Variants in SPTAN1 observed in about 807,000 individuals in gnomAD.
The protein encoded by SPTAN1 is spectrin alpha, non-erythrocytic 1.
A neutral mutation model predicts 331.3 loss-of-function variants in SPTAN1; 61 were observed. The ratio of observed to expected loss-of-function variants is 0.18; its 90% CI spans 0.15 to 0.23. The LOEUF is 0.23. SPTAN1 is among the 10% of genes least tolerant of loss of function. The pLI is 1.00. For synonymous variants in SPTAN1, 1,153 were observed against 1,173.9 expected, an observed-to-expected ratio of 0.98 and a Z score of 0.36; for missense variants, 2,043 against 3,147.9, an observed-to-expected ratio of 0.65 and a Z score of 8.40.
rs988247379 is a variant in SPTAN1 at position 128,583,973 on chromosome 9, G to A, written c.2193+4G>A. ...GGCAGATGTGGCTGCTCACCAGGTAGTGTGAACTGGGGGCTGTGGTTGGGC... is the reference window on the plus strand; with the variant it reads ...GGCAGATGTGGCTGCTCACCAGGTAATGTGAACTGGGGGCTGTGGTTGGGC... On this transcript the variant is annotated splice_donor_region_variant and intron_variant, in intron 16 of 56. Transcript: ENST00000372739. 2 of 1,614,094 alleles carry A rather than the reference G, an allele frequency of 1.2e-6. No individual in the cohort carries two copies. Among genetic ancestry groups the A allele is most frequent in the Non-Finnish European group, 8.5e-7 (1 of 1,179,960 alleles).
At chr9:128,595,712 T>C (rs951147090) in intron 24 of SPTAN1, among the ~76,000 whole-genome samples, 1 of 152,194 alleles carries the variant, frequency 6.6e-6, no homozygotes, top group African/African-American at 2.4e-5. Context: ...TTTGCCATTC[T>C]CCCTAACCCC....
chr9:128,608,865 T>G lies in SPTAN1; in HGVS notation c.4492-9T>G, dbSNP rs1294602145. On this transcript the variant is annotated splice_polypyrimidine_tract_variant and intron_variant, in intron 34 of 56. Coordinates refer to ENST00000372739, the MANE Select transcript of SPTAN1 (RefSeq NM_001130438.3). ...CCCACCTTGATCTCATGCCTTTGTT[T>G]TCTGACAGGAAGAGAAGATTGCTGC... is the stretch of plus-strand genomic sequence containing the variant. 2 of 1,613,484 alleles carry G rather than the reference T, an allele frequency of 1.2e-6. No individual in the cohort carries two copies. The highest frequency in any genetic ancestry group is 1.7e-6 in the Non-Finnish European group (2 of 1,179,876).
At position 128,577,624 on chromosome 9, in the gene SPTAN1, T is replaced by C; in HGVS notation, c.1085+118T>C. 1.5e-6 allele frequency: 2 copies of C among 1,337,352 alleles called. No homozygotes were observed. The highest frequency in any genetic ancestry group is 2.4e-5 in the South Asian group (2 of 84,064). The allele number at this position is 1,337,352 out of a possible 1,614,324, so 82.8% of individuals were successfully genotyped here. ...GAAAGTGTCAGGTATCACCTACAAATGCAAATCACTTCTTACCTATGTTCT... is the reference window on the plus strand; with the variant it reads ...GAAAGTGTCAGGTATCACCTACAAACGCAAATCACTTCTTACCTATGTTCT... On this transcript the variant is annotated intron_variant, in intron 8 of 56. Coordinates refer to ENST00000372739, the MANE Select transcript of SPTAN1 (RefSeq NM_001130438.3). The surrounding 1 kb of genome is among the most constrained non-coding windows in gnomAD (Gnocchi z 4.2).
chr9:128,630,174 A>G lies in SPTAN1; in HGVS notation c.6708-147A>G, dbSNP rs1217417696. 3 of 846,330 alleles carry G rather than the reference A, an allele frequency of 3.5e-6. No homozygotes were observed. The East Asian group carries it at 7.3e-5, about 21-fold the overall frequency. The allele number at this position is 846,330 out of a possible 1,614,324, so 52.4% of individuals were successfully genotyped here. A position where few individuals can be genotyped will look rare whatever the true frequency, so the allele number is the denominator to read the frequency against. On this transcript the variant is annotated intron_variant, in intron 51 of 56. Transcript: ENST00000372739. ...CATCCCTCGATCCCTGGGGCCCATTAGGTAAAGATGGCCAGTTGCAGTTAG... is the reference window on the plus strand; with the variant it reads ...CATCCCTCGATCCCTGGGGCCCATTGGGTAAAGATGGCCAGTTGCAGTTAG...
rs1453073689 is a variant in SPTAN1, at chr9:128,603,547, C to T, written c.3584C>T (p.Ala1195Val). Residue 1195 changes from alanine (A) to valine (V), a missense_variant, in exon 28 of 57, where the codon GCT becomes GTT. By Grantham distance (64) the Ala-to-Val change is moderately conservative. Coordinates refer to ENST00000372739, the MANE Select transcript of SPTAN1 (RefSeq NM_001130438.3). ...DSKTASPWKS[A>V]RLMVHTVATF... ...TCTGCTTTCCTCCCTACCTAGTCTG[C>T]TCGTCTGATGGTTCACACCGTGGCC... 1.2e-6 allele frequency: 2 copies of T among 1,614,188 alleles called. No homozygotes were observed. The highest frequency in any genetic ancestry group is 1.7e-6 in the Non-Finnish European group (2 of 1,180,028).
At chr9:128,591,820 T>C (rs1853573608) in intron 22 of SPTAN1, among the ~76,000 whole-genome samples, 195 bp downstream of exon 22, 1 of 152,018 alleles carries the variant, frequency 6.6e-6, no homozygotes, top group Non-Finnish European at 1.5e-5. Context: ...TATTGCTTTG[T>C]TTTTTTTCCA....
chr9:128,626,005 G>GC, intron 48 of SPTAN1, 27 bp downstream of exon 48: 1 of 1,612,236 alleles, frequency 6.2e-7, no homozygotes, highest in Non-Finnish European at 8.5e-7. Context: ...GTGAAGCTTA[G>GC]CTGGCCCACA....
intron 37 of SPTAN1, among the ~76,000 whole-genome samples, 162 bp downstream of exon 37, chr9:128,609,827 G>A (rs371105225): frequency 6.6e-6 from 1 of 152,168 alleles, no homozygotes; most frequent in African/African-American, 2.4e-5. Context: ...AAGTGTCCCT[G>A]TGGGATGTGG....
Position 128,582,888 on chromosome 9 carries a change from G to GC in SPTAN1, c.1806+39_1806+40insC, listed in dbSNP as rs757712954. 4 of 1,609,360 alleles carry GC rather than the reference G, an allele frequency of 2.5e-6. No homozygotes were observed. The South Asian group carries it at 4.4e-5, about 18-fold the overall frequency. On this transcript the variant is annotated intron_variant, in intron 14 of 56. Transcript: ENST00000372739. ...AGTGTTGCCATGTAGCACTCGATTA[G>GC]TAAGCTAAACACAGCTCTCACAAAT...
At chr9:128,621,056 A>G (rs1461084343) in intron 44 of SPTAN1, 102 bp from the exon 45 acceptor site, 10 of 892,428 alleles carry the variant, frequency 1.1e-5, no homozygotes, top group African/African-American at 1.6e-5. Flanking sequence ...TAATGTGTGC[A>G]TGGACAGGGA....
At position 128,629,085 on chromosome 9, in the gene SPTAN1, T is replaced by A. The variant is rs1037875585; in HGVS notation, c.6707+1143T>A. ...TGTTGCAGTGTGCTCTTGCCTCCCC[T>A]CCCTTTGGTGTATTCATTTGGTTTC... On this transcript the variant is annotated intron_variant, in intron 51 of 56. Transcript: ENST00000372739. This position sits in a 1 kb window ranked among gnomAD's most constrained non-coding sequence, Gnocchi z 4.9. 2.8e-5 allele frequency: 11 copies of A among 398,654 alleles called. No homozygotes were observed. Among genetic ancestry groups the A allele is most frequent in the African/African-American group, 2.1e-4 (10 of 48,634 alleles). 24.7% of individuals were successfully genotyped at this position (398,654 alleles called of 1,614,324 possible). A position where few individuals can be genotyped will look rare whatever the true frequency, so the allele number is the denominator to read the frequency against.
intron 1 of SPTAN1, among the ~76,000 whole-genome samples, chr9:128,558,445 T>G (rs1848909121): frequency 6.6e-6 from 1 of 152,242 alleles, no homozygotes; most frequent in South Asian, 2.1e-4. Flanking sequence ...TTCCCCTCCT[T>G]CAGTCTCTAT....
Position 128,632,416 on chromosome 9 carries a change from C to CTGTT in SPTAN1, c.6960-13_6960-10dup. 4.3e-6 allele frequency: 7 copies of CTGTT among 1,614,090 alleles called. No homozygotes were observed. Among genetic ancestry groups the CTGTT allele is most frequent in the Non-Finnish European group, 5.9e-6 (7 of 1,179,998 alleles). ...GTGTGGAGGGTCTGTTCCCTAATTT[C>CTGTT]TGTTTTTCTTCCAGGAACACAACAG... On this transcript the variant is annotated splice_polypyrimidine_tract_variant and intron_variant, in intron 53 of 56. Transcript: ENST00000372739.
At chr9:128,609,531 A>T (rs1447768595) in intron 36 of SPTAN1, 120 bp from the exon 37 acceptor site, 7 of 979,760 alleles carry the variant, frequency 7.1e-6, no homozygotes, top group Non-Finnish European at 1.1e-5. Flanking sequence ...CCCTTCTATT[A>T]CTGTTCCCAA....
intron 3 of SPTAN1, among the ~76,000 whole-genome samples, chr9:128,573,671 G>C (rs747717370): frequency 2.0e-5 from 3 of 152,066 alleles, no homozygotes; most frequent in Non-Finnish European, 4.4e-5. Context: ...GGCCAGGCTG[G>C]TCTCGAACTC....
intron 43 of SPTAN1, 21 bp from the exon 44 acceptor site, chr9:128,618,846 TTTTC>T (rs777380509): frequency 1.4e-5 from 22 of 1,613,978 alleles, no homozygotes; most frequent in Non-Finnish European, 1.9e-5. Flanking sequence ...TTATGGCTGA[TTTTC>T]TTCCTGTCTC....
At position 128,632,224 on chromosome 9, in the gene SPTAN1, A is replaced by G; in HGVS notation, c.6860A>G (p.Tyr2287Cys). Residue 2287 changes from tyrosine to cysteine, a missense_variant, in exon 53 of 57, where the codon TAC (tyrosine) becomes TGC (cysteine). Physicochemically the swap from Tyr to Cys is radical, Grantham distance 194. Coordinates refer to ENST00000372739, the MANE Select transcript of SPTAN1 (RefSeq NM_001130438.3). ...GAGGCCCTCATCCTGGACAACAAGTACACGGAGCACAGCACCGTGGGCCTC... is the reference window on the plus strand; with the variant it reads ...GAGGCCCTCATCCTGGACAACAAGTGCACGGAGCACAGCACCGTGGGCCTC... ...MEEALILDNKYTEHSTVGLAQ... is the reference protein window; with the variant it reads ...MEEALILDNKCTEHSTVGLAQ... 1 of 1,613,446 alleles carries G rather than the reference A, an allele frequency of 6.2e-7. No homozygotes were observed. Among genetic ancestry groups the G allele is most frequent in the Non-Finnish European group, 8.5e-7 (1 of 1,180,004 alleles).
At chr9:128,565,140 G>A (rs1402184063) in intron 1 of SPTAN1, among the ~76,000 whole-genome samples, 1 of 151,920 alleles carries the variant, frequency 6.6e-6, no homozygotes, top group Admixed American at 6.6e-5. Context: ...CCATCTCTAC[G>A]AAAAATACAA....
intron 2 of SPTAN1, among the ~76,000 whole-genome samples, chr9:128,567,291 G>GT: frequency 1.3e-5 from 2 of 151,966 alleles, no homozygotes; most frequent in Admixed American, 1.3e-4. Context: ...GTTTTGTTTT[G>GT]TTTTGTTTTT....
Sources: allele counts gnomAD v4.1 joint callset (sites outside exome capture counted in the v4.1 genomes callset), GRCh38; gene constraint gnomAD v4.1.1; non-coding constraint Gnocchi (gnomAD v3.1); transcripts MANE v1.5; gene names NCBI Gene and HGNC (gene_info 2026-07-23, HGNC 2026-07-21).